The following BBX variants were observed in gnomAD, a reference collection of about 807,000 sequenced individuals.
The protein encoded by BBX is BBX high mobility group box domain containing.
A neutral mutation model predicts 100.2 loss-of-function variants in BBX; 30 were observed. The observed-to-expected ratio is 0.30, with a 90% CI of 0.22 to 0.41. BBX has a LOEUF of 0.41. Among genes scored for constraint, BBX ranks in the 10% least tolerant of loss-of-function variants. The pLI, the probability that BBX is intolerant of heterozygous loss-of-function variation, is 1.00. For synonymous variants in BBX, 376 were observed against 388.1 expected, an observed-to-expected ratio of 0.97 and a Z score of 0.37; for missense variants, 1,023 against 1,129.8, an observed-to-expected ratio of 0.91 and a Z score of 1.35.
intron 5 of BBX, among the ~76,000 whole-genome samples, chr3:107,728,019 C>T (rs537814747): frequency 6.6e-6 from 1 of 152,056 alleles, no homozygotes; most frequent in East Asian, 1.9e-4. Flanking sequence ...TTGAGAGAAA[C>T]GGTAACAGGA....
chr3:107,805,737 G>A lies in BBX; in HGVS notation c.*280G>A. On this transcript the variant is annotated 3_prime_UTR_variant, in exon 18 of 18. Coordinates refer to ENST00000325805, the MANE Select transcript of BBX (RefSeq NM_001142568.3). The stretch of plus-strand genomic sequence containing the variant: ...TATTGAAGGCTTTTGACGGTAATAG[G>A]TGGTAACTTGGTAAAAGGCTGCCTT... The A allele has an allele frequency of 2.2e-6, 1 of 451,884 alleles. No individual in the cohort carries two copies. The highest frequency in any genetic ancestry group is 3.8e-6 in the Non-Finnish European group (1 of 264,620). 28.0% of individuals were successfully genotyped at this position (451,884 alleles called of 1,614,324 possible).
At chr3:107,555,900 G>A (rs2107451846) in intron 2 of BBX, among the ~76,000 whole-genome samples, 1 of 152,254 alleles carries the variant, frequency 6.6e-6, no homozygotes, top group South Asian at 2.1e-4. Flanking sequence ...ATAAACTGTT[G>A]TCCTCAGAAA....
At chr3:107,798,850 A>T in intron 16 of BBX, 130 bp downstream of exon 16, 3 of 1,007,538 alleles carry the variant, frequency 3.0e-6, no homozygotes, top group Admixed American at 2.9e-5. Context: ...AAAAAAAAAA[A>T]CAAAAACAAA....
chr3:107,592,360 C>CAAAAAAA (rs398052177), intron 2 of BBX, among the ~76,000 whole-genome samples: 6 of 74,906 alleles, frequency 8.0e-5, no homozygotes, highest in African/African-American at 3.2e-4. Context: ...GACCCTGTCT[C>CAAAAAAA]AAAAAAAAAA....
chr3:107,528,598 T>C (rs2047938218), intron 2 of BBX, among the ~76,000 whole-genome samples: 1 of 152,232 alleles, frequency 6.6e-6, no homozygotes, highest in African/African-American at 2.4e-5. Context: ...TTTGACCTTA[T>C]AGATCTGATT....
intron 7 of BBX, among the ~76,000 whole-genome samples, chr3:107,743,742 T>A (rs1163225691): frequency 2.6e-5 from 4 of 152,102 alleles, no homozygotes; most frequent in Admixed American, 1.3e-4. Flanking sequence ...TAGAGAAGAC[T>A]TAGTGATGCA....
intron 6 of BBX, among the ~76,000 whole-genome samples, chr3:107,729,663 G>C (rs903502098): frequency 6.6e-6 from 1 of 152,178 alleles, no homozygotes; most frequent in African/African-American, 2.4e-5. Context: ...GAGTTTGCCA[G>C]ATGAAATTAG....
At chr3:107,730,120 T>C (rs973669548) in intron 6 of BBX, among the ~76,000 whole-genome samples, 1 of 152,106 alleles carries the variant, frequency 6.6e-6, no homozygotes, top group Non-Finnish European at 1.5e-5. Context: ...GGCAGCATTC[T>C]AGGGCGGAAA....
intron 2 of BBX, among the ~76,000 whole-genome samples, chr3:107,548,897 C>G (rs1471048337): frequency 6.6e-6 from 1 of 152,082 alleles, no homozygotes; most frequent in African/African-American, 2.4e-5. Context: ...GAACAGAAAA[C>G]CAAATACCAC....
chr3:107,786,183 A>G (rs1275447333), intron 13 of BBX, among the ~76,000 whole-genome samples: 2 of 152,134 alleles, frequency 1.3e-5, no homozygotes, highest in African/African-American at 4.8e-5. Flanking sequence ...AAATTAATAG[A>G]AAAACATCCC....
At chr3:107,588,080 G>A (rs907925577) in intron 2 of BBX, among the ~76,000 whole-genome samples, 3 of 152,128 alleles carry the variant, frequency 2.0e-5, no homozygotes, top group Non-Finnish European at 2.9e-5. Flanking sequence ...TCTTATTAGG[G>A]TAGAAGTCTT....
chr3:107,783,846 G>A (rs986237491), intron 13 of BBX, among the ~76,000 whole-genome samples: 1 of 151,858 alleles, frequency 6.6e-6, no homozygotes, highest in Non-Finnish European at 1.5e-5. Context: ...TCCCAAAGAG[G>A]CAAACAAGGA....
At chr3:107,564,044 G>A (rs2050698353) in intron 2 of BBX, among the ~76,000 whole-genome samples, 1 of 151,796 alleles carries the variant, frequency 6.6e-6, no homozygotes, top group African/African-American at 2.4e-5. Context: ...CTATACCTTT[G>A]AAAAACTTAG....
chr3:107,637,100 G>C (rs1460723316), intron 2 of BBX, among the ~76,000 whole-genome samples: 1 of 152,030 alleles, frequency 6.6e-6, no homozygotes, highest in Non-Finnish European at 1.5e-5. Context: ...GAAGTTTTAA[G>C]CTTACAGCAA....
At chr3:107,643,343 T>A (rs964572251) in intron 2 of BBX, among the ~76,000 whole-genome samples, 8 of 152,152 alleles carry the variant, frequency 5.3e-5, no homozygotes, top group African/African-American at 1.9e-4. Flanking sequence ...CTGTCCCACC[T>A]GCCATTATGA....
chr3:107,561,916 C>G (rs2050528411), intron 2 of BBX, among the ~76,000 whole-genome samples: 1 of 152,032 alleles, frequency 6.6e-6, no homozygotes, highest in Non-Finnish European at 1.5e-5. Flanking sequence ...TTCATTAATT[C>G]TTTTTCAAAA....
intron 4 of BBX, chr3:107,711,383 T>C (rs1397651274): frequency 2.2e-6 from 1 of 462,188 alleles, no homozygotes; most frequent in Admixed American, 2.5e-5. Flanking sequence ...TAAATATAGA[T>C]GTATGCTGAA....
rs766258723 is a variant in BBX at position 107,748,075 on chromosome 3, A to G, written c.825+36A>G. The G allele has an allele frequency of 7.1e-6, 11 of 1,556,588 alleles. No homozygotes were observed. The South Asian group carries it at 1.3e-4, about 18-fold the overall frequency. On this transcript the variant is annotated intron_variant, in intron 9 of 17. Transcript: ENST00000325805. ...TTTAAAATGCTTTTTAGGCTAAGAA[A>G]ACTTGTTGAGCTCAGGAATACTGGA...
chr3:107,747,186 G>A (rs2064688079), intron 8 of BBX, among the ~76,000 whole-genome samples: 1 of 152,088 alleles, frequency 6.6e-6, no homozygotes, highest in Non-Finnish European at 1.5e-5. Flanking sequence ...ATCAAGTGTA[G>A]GGTGGCAGAC....
Sources: allele counts gnomAD v4.1 joint callset (sites outside exome capture counted in the v4.1 genomes callset), GRCh38; gene constraint gnomAD v4.1.1; transcripts MANE v1.5; gene names NCBI Gene and HGNC (gene_info 2026-07-23, HGNC 2026-07-21).